Variants in LSP1 observed in about 807,000 individuals in gnomAD.
LSP1 encodes the protein lymphocyte-specific protein 1.
LSP1 carries 32 observed loss-of-function variants against 49.3 expected under a neutral mutation model. That is an observed-to-expected ratio of 0.65 (90% CI 0.49 to 0.87). LSP1 has a LOEUF of 0.87. LSP1 is among the 40% of genes least tolerant of loss of function. The pLI is 0.00. For synonymous variants in LSP1, 179 were observed against 178.8 expected (o/e 1.00, Z -0.01); for missense variants, 428 against 442.6 (o/e 0.97, Z 0.30).
intron 10 of LSP1, chr11:1,889,079 C>G: frequency 1.7e-6 from 1 of 584,400 alleles, no homozygotes; most frequent in Non-Finnish European, 3.1e-6. Flanking sequence ...GGGCCCCCAG[C>G]TAGAGCCTCA....
chr11:1,880,017 T>TCTCGGTGGTC, intron 1 of LSP1, 70 bp from the exon 2 acceptor site: 1 of 1,581,370 alleles, frequency 6.3e-7, no homozygotes, highest in Admixed American at 1.8e-5. Context: ...CCTGTGTAGA[T>TCTCGGTGGTC]GGGAGGAATG....
At chr11:1,869,817 C>G (rs1398634302) in intron 1 of LSP1, 5 of 467,642 alleles carry the variant, frequency 1.1e-5, no homozygotes, top group Non-Finnish European at 2.2e-5. Flanking sequence ...GGCTGGTTTT[C>G]CCCGAGACTG....
At position 1,884,325 on chromosome 11, in the gene LSP1, T is replaced by G; in HGVS notation, c.635+2T>G. The stretch of plus-strand genomic sequence containing the variant: ...CCTAAACCGCTCCATAGAGAAGAGG[T>G]CTGTCTGTCTGTCTGTCTGCTTTCT... On this transcript the variant is annotated splice_donor_variant, in intron 6 of 10. Transcript: ENST00000311604. LOFTEE classifies it high-confidence loss of function. This position sits in a 1 kb window ranked among gnomAD's most constrained non-coding sequence, Gnocchi z 4.1. The G allele has an allele frequency of 6.2e-7, 1 of 1,611,980 alleles. No individual in the cohort carries two copies.
chr11:1,885,025 C>T (rs2133126701), intron 7 of LSP1, among the ~76,000 whole-genome samples: 1 of 152,022 alleles, frequency 6.6e-6, no homozygotes, highest in South Asian at 2.1e-4. Flanking sequence ...AATCAATCCC[C>T]CTTTATCCAA....
intron 10 of LSP1, chr11:1,889,709 C>A: frequency 1.5e-6 from 1 of 647,354 alleles, no homozygotes; most frequent in Non-Finnish European, 2.8e-6. Flanking sequence ...CCTCCAGGTG[C>A]TCTCTGCCAG....
intron 3 of LSP1, among the ~76,000 whole-genome samples, chr11:1,883,056 C>T (rs560219324): frequency 2.4e-4 from 36 of 152,276 alleles, no homozygotes; most frequent in African/African-American, 7.7e-4. Flanking sequence ...CCCGGCCTCG[C>T]GGGGACCCCG....
At chr11:1,886,646 A>G in intron 7 of LSP1, 86 bp from the exon 8 acceptor site, 1 of 1,433,826 alleles carries the variant, frequency 7.0e-7, no homozygotes, top group East Asian at 2.4e-5. Context: ...CACAAACACA[A>G]AGCAGACGGT....
chr11:1,880,362 G>A, intron 2 of LSP1, 138 bp downstream of exon 2: 7 of 1,105,856 alleles, frequency 6.3e-6, no homozygotes, highest in Non-Finnish European at 8.6e-6. Flanking sequence ...CCAGGAGCAG[G>A]CGTGGGAGTG....
intron 1 of LSP1, among the ~76,000 whole-genome samples, chr11:1,879,586 G>A (rs553493179): frequency 6.6e-6 from 1 of 152,310 alleles, no homozygotes. Context: ...TCTCCAACAC[G>A]CCCTGCCTTT....
chr11:1,878,343 G>A (rs965013484), intron 1 of LSP1, among the ~76,000 whole-genome samples: 2 of 152,252 alleles, frequency 1.3e-5, no homozygotes, highest in African/African-American at 2.4e-5. Context: ...CCAGCCATGC[G>A]GAGGCCGGCA....
chr11:1,870,363 G>C, intron 1 of LSP1: 2 of 1,263,130 alleles, frequency 1.6e-6, no homozygotes, highest in Non-Finnish European at 2.1e-6. Context: ...GAGTCTCCTG[G>C]GAAAGAAGTG....
chr11:1,875,559 G>A lies in LSP1; in HGVS notation c.54-4528G>A, dbSNP rs190108117. On this transcript the variant is annotated intron_variant, in intron 1 of 10. Transcript: ENST00000311604. ...CAAGTTCAAGGCCTCCTCCTGCTCCGGGCGGCTCATCACTCGGCCTCCCCA... is the reference window on the plus strand; with the variant it reads ...CAAGTTCAAGGCCTCCTCCTGCTCCAGGCGGCTCATCACTCGGCCTCCCCA... Among the ~76,000 whole-genome samples the A allele has an allele frequency of 1.4e-3, 212 of 152,318 alleles. 1 individual carries two copies. The highest frequency in any genetic ancestry group is 6.8e-3 in the Middle Eastern group (2 of 294).
intron 1 of LSP1, among the ~76,000 whole-genome samples, chr11:1,869,449 G>C (rs1847901997): frequency 6.6e-6 from 1 of 152,076 alleles, no homozygotes; most frequent in African/African-American, 2.4e-5. Context: ...GGAGGAGGGA[G>C]GGGGAGCAGA....
At chr11:1,885,590 G>C (rs1848721414) in intron 7 of LSP1, among the ~76,000 whole-genome samples, 2 of 150,958 alleles carry the variant, frequency 1.3e-5, no homozygotes. Flanking sequence ...CAATGCCTCT[G>C]CTTCCAATCA....
chr11:1,871,069 A>G (rs1423213787), intron 1 of LSP1: 1 of 985,432 alleles, frequency 1.0e-6, no homozygotes, highest in Non-Finnish European at 1.2e-6. Context: ...GCGGCGGAGG[A>G]CGCTGATCGC....
intron 1 of LSP1, among the ~76,000 whole-genome samples, chr11:1,873,237 G>T (rs538089578): frequency 6.6e-6 from 1 of 152,002 alleles, no homozygotes; most frequent in South Asian, 2.1e-4. Context: ...CCTGGGGACC[G>T]CTAGGCATAC....
At chr11:1,886,650 AGACG>A in intron 7 of LSP1, 78 bp from the exon 8 acceptor site, 1 of 1,441,114 alleles carries the variant, frequency 6.9e-7, no homozygotes, top group Non-Finnish European at 9.3e-7. Context: ...AACACAAAGC[AGACG>A]GTTGCCCAGT....
intron 10 of LSP1, chr11:1,888,817 C>T (rs1848862308): frequency 7.3e-6 from 2 of 272,898 alleles, no homozygotes; most frequent in Middle Eastern, 1.0e-3. Context: ...TGGGCTAGGT[C>T]AGTAGATGCA....
At chr11:1,868,149 C>T (rs914381185) in intron 1 of LSP1, among the ~76,000 whole-genome samples, 2 of 152,256 alleles carry the variant, frequency 1.3e-5, no homozygotes, top group Non-Finnish European at 2.9e-5. Flanking sequence ...GCCCACTCAA[C>T]TCCAGACGTC....
Sources: allele counts gnomAD v4.1 joint callset (sites outside exome capture counted in the v4.1 genomes callset), GRCh38; gene constraint gnomAD v4.1.1; non-coding constraint Gnocchi (gnomAD v3.1); transcripts MANE v1.5; gene names NCBI Gene and HGNC (gene_info 2026-07-23, HGNC 2026-07-21).